Variants in LAMA2 observed in about 807,000 individuals in gnomAD.
LAMA2 encodes laminin subunit alpha-2.
LAMA2 carries 269 observed loss-of-function variants against 364.8 expected under a neutral mutation model. The ratio of observed to expected loss-of-function variants is 0.74; its 90% CI spans 0.67 to 0.82. LAMA2 has a LOEUF of 0.82. Ranked by LOEUF, LAMA2 falls within the 40% of genes least tolerant of loss-of-function variation. LAMA2 has a pLI of 0.00. For missense variants in LAMA2, 3,807 were observed against 3,873.2 expected (o/e 0.98, Z 0.45); for synonymous variants, 1,379 against 1,370.6 (o/e 1.01, Z -0.14).
chr6:129,383,224 G>T lies in LAMA2; in HGVS notation c.5062G>T (p.Asp1688Tyr), dbSNP rs754200396. The change falls in exon 35 of 65, where the codon GAT becomes TAT. Residue 1688 changes from aspartate (D) to tyrosine (Y), a missense_variant. Transcript: ENST00000421865. ...LGEFIKELAR[D>Y]AEAVNEKAIK... is the part of the protein sequence containing the mutation. ...AGAATTCATTAAGGAGCTTGCCCGGGATGCAGAAGGTATTAGAAAGAATCA... is the reference window on the plus strand; with the variant it reads ...AGAATTCATTAAGGAGCTTGCCCGGTATGCAGAAGGTATTAGAAAGAATCA... 6.2e-7 allele frequency: 1 copy of T among 1,610,232 alleles called. No homozygotes were observed. Among genetic ancestry groups the T allele is most frequent in the South Asian group, 1.1e-5 (1 of 90,718 alleles).
chr6:129,046,255 A>G (rs555179496), intron 1 of LAMA2, among the ~76,000 whole-genome samples: 3 of 152,316 alleles, frequency 2.0e-5, no homozygotes, highest in Non-Finnish European at 2.9e-5. Context: ...ATGTAAGTGC[A>G]CCATTGTATT....
At chr6:129,473,000 A>C (rs1783888024) in intron 51 of LAMA2, among the ~76,000 whole-genome samples, 1 of 151,892 alleles carries the variant, frequency 6.6e-6, no homozygotes, top group Non-Finnish European at 1.5e-5. Flanking sequence ...CTGGTGTTCA[A>C]GCTATTATTT....
intron 12 of LAMA2, among the ~76,000 whole-genome samples, chr6:129,241,706 A>C (rs542858891): frequency 2.0e-5 from 3 of 152,188 alleles, no homozygotes; most frequent in Middle Eastern, 3.2e-3. Flanking sequence ...CAATATTAAC[A>C]GACATGTCAA....
intron 58 of LAMA2, 66 bp from the exon 59 acceptor site, chr6:129,502,589 TAGAC>T (rs778565923): frequency 3.2e-4 from 304 of 949,158 alleles, no homozygotes; most frequent in Non-Finnish European, 4.8e-4. Flanking sequence ...AAGAAACAAT[TAGAC>T]AGCATCATTA....
intron 4 of LAMA2, among the ~76,000 whole-genome samples, chr6:129,106,431 C>A (rs539947789): frequency 6.6e-6 from 1 of 152,218 alleles, no homozygotes; most frequent in South Asian, 2.1e-4. Context: ...AAATGAAGAC[C>A]TAGCCTTTCT....
intron 17 of LAMA2, among the ~76,000 whole-genome samples, chr6:129,279,581 T>A (rs1027512933): frequency 1.3e-5 from 2 of 152,164 alleles, no homozygotes; most frequent in African/African-American, 2.4e-5. Flanking sequence ...TGCCGCAGCC[T>A]GCACACAGGC....
chr6:129,409,653 C>A (rs1780426851), intron 40 of LAMA2, among the ~76,000 whole-genome samples: 1 of 152,142 alleles, frequency 6.6e-6, no homozygotes, highest in Admixed American at 6.5e-5. Flanking sequence ...GATGGCAGGG[C>A]CTTGCTCCAA....
chr6:129,152,159 CAT>C (rs1778845619), intron 7 of LAMA2, among the ~76,000 whole-genome samples: 2 of 152,136 alleles, frequency 1.3e-5, no homozygotes, highest in African/African-American at 4.8e-5. Context: ...TCAGAAATGA[CAT>C]ATAACTTTGT....
intron 1 of LAMA2, among the ~76,000 whole-genome samples, chr6:128,958,739 G>A (rs766531596): frequency 1.3e-5 from 2 of 152,006 alleles, no homozygotes; most frequent in South Asian, 2.1e-4. Context: ...AATACCTTTC[G>A]AAGAGTCAAA....
rs559450463 is a variant in LAMA2 at position 129,395,285 on chromosome 6, T to C, written c.5445+2030T>C. Among the ~76,000 whole-genome samples, 177 of 152,322 alleles carry C rather than the reference T, an allele frequency of 1.2e-3. 2 individuals carry two copies. The highest frequency in any genetic ancestry group is 6.8e-3 in the Middle Eastern group (2 of 294). ...CTTATAACTGTGTCCACAATGAAGG[T>C]AACACAATTAATACCCAACTCAAAA... On this transcript the variant is annotated intron_variant, in intron 37 of 64. Coordinates refer to ENST00000421865, the MANE Select transcript of LAMA2 (RefSeq NM_000426.4).
chr6:128,893,973 CA>C (rs1404281372), intron 1 of LAMA2, among the ~76,000 whole-genome samples: 1 of 151,990 alleles, frequency 6.6e-6, no homozygotes, highest in Non-Finnish European at 1.5e-5. Flanking sequence ...TTGGTTTAAG[CA>C]TATTAAGAAA....
chr6:129,283,156 G>A (rs1396043776), intron 18 of LAMA2, among the ~76,000 whole-genome samples: 1 of 152,076 alleles, frequency 6.6e-6, no homozygotes, highest in Non-Finnish European at 1.5e-5. Context: ...GTCAGAGAGT[G>A]AGGGGAGAAG....
intron 1 of LAMA2, among the ~76,000 whole-genome samples, chr6:128,946,470 A>T (rs1780493696): frequency 6.6e-6 from 1 of 152,340 alleles, no homozygotes; most frequent in African/African-American, 2.4e-5. Flanking sequence ...AATGTGCTTC[A>T]TATCACTAGC....
rs184313267 is a variant in LAMA2 at position 129,232,027 on chromosome 6, T to C, written c.1783-18085T>C. ...ATGTTGATACAGTAGTGATCACTTA[T>C]GTCCTTTTGATTGAAACTGCATTAT... On this transcript the variant is annotated intron_variant, in intron 12 of 64. Transcript: ENST00000421865. Among the ~76,000 whole-genome samples the C allele has an allele frequency of 5.5e-4, 84 of 152,272 alleles. No homozygotes were observed. In the East Asian group the frequency reaches 0.013, roughly 23 times the overall value.
intron 4 of LAMA2, among the ~76,000 whole-genome samples, chr6:129,121,700 G>A (rs1227447040): frequency 6.6e-5 from 10 of 151,982 alleles, no homozygotes; most frequent in Admixed American, 5.9e-4. Context: ...CTTATAAACA[G>A]GTTTTCAGAA....
chr6:129,284,822 A>C (rs1396118012), intron 18 of LAMA2, among the ~76,000 whole-genome samples: 2 of 152,102 alleles, frequency 1.3e-5, no homozygotes, highest in East Asian at 3.9e-4. Context: ...CAAGTGTAAC[A>C]AATAACTGCA....
chr6:128,975,066 A>C (rs996971354), intron 1 of LAMA2, among the ~76,000 whole-genome samples: 2 of 152,012 alleles, frequency 1.3e-5, no homozygotes, highest in Non-Finnish European at 2.9e-5. Context: ...GTTAGCCAGG[A>C]TGGTCTTGAT....
chr6:129,462,745 T>G (rs925102948), intron 49 of LAMA2, among the ~76,000 whole-genome samples: 16 of 149,134 alleles, frequency 1.1e-4, no homozygotes, highest in African/African-American at 3.8e-4. Flanking sequence ...TCCTGGTGTT[T>G]GTTTGTTTGT....
Position 129,403,897 on chromosome 6 carries a change from A to G in LAMA2, c.5803A>G (p.Ile1935Val), listed in dbSNP as rs749049665. The part of the protein sequence containing the change: ...FKAYSNIKDY[I>V]DEAEKVAKEA... ...AGCTTACAGCAATATTAAGGACTATATTGATGAAGCTGAGAAAGTTGCCAA... is the reference window on the plus strand; with the variant it reads ...AGCTTACAGCAATATTAAGGACTATGTTGATGAAGCTGAGAAAGTTGCCAA... Residue 1935 changes from isoleucine to valine, a missense_variant, in exon 40 of 65, where the codon ATT (isoleucine) becomes GTT (valine). Around this residue, in one of 3 missense-constraint regions of LAMA2, gnomAD observed 3,333 missense variants for 3,345.7 expected, o/e 1.00. Transcript: ENST00000421865. 1 of 1,613,930 alleles carries G rather than the reference A, an allele frequency of 6.2e-7. No homozygotes were observed. Among genetic ancestry groups the G allele is most frequent in the South Asian group, 1.1e-5 (1 of 91,082 alleles).
Sources: gnomAD v4.1 joint callset for allele counts (sites outside exome capture counted in the v4.1 genomes callset) on GRCh38, gnomAD v4.1.1 for gene constraint, gnomAD v4.1.1 regional missense constraint, MANE v1.5 for transcripts, NCBI Gene and HGNC (gene_info 2026-07-23, HGNC 2026-07-21) for gene names.